CSTF3: variants seen among roughly 807,000 people sequenced by gnomAD.
The protein encoded by CSTF3 is cleavage stimulation factor subunit 3, also known as CF-1 77 kDa subunit.
CSTF3 carries 29 observed loss-of-function variants against 105.8 expected under a neutral mutation model. The observed-to-expected ratio is 0.27, with a 90% CI of 0.20 to 0.37. The LOEUF is 0.37. Ranked by LOEUF, CSTF3 falls within the 10% of genes least tolerant of loss-of-function variation. CSTF3 has a pLI of 1.00. For synonymous variants in CSTF3, 252 were observed against 281.9 expected (o/e 0.89, Z 1.06); for missense variants, 357 against 879.3 (o/e 0.41, Z 7.51).
chr11:33,105,217 G>C (rs546225227), intron 8 of CSTF3, among the ~76,000 whole-genome samples: 1 of 152,262 alleles, frequency 6.6e-6, no homozygotes, highest in Non-Finnish European at 1.5e-5. Flanking sequence ...AGGTGAAAAA[G>C]GTGCACAGCA....
chr11:33,136,314 C>A (rs748871366), intron 3 of CSTF3: 1 of 151,634 alleles, frequency 6.6e-6, no homozygotes, highest in Admixed American at 6.6e-5. Flanking sequence ...AGGAGCAAAC[C>A]GGTTTAATAA....
chr11:33,095,825 AAT>A (rs1565003093), intron 15 of CSTF3, among the ~76,000 whole-genome samples: 86 of 150,842 alleles, frequency 5.7e-4, no homozygotes, highest in African/African-American at 1.2e-3. Flanking sequence ...GTCTCAAATA[AAT>A]AAATAAATAA....
In CSTF3 at chr11:33,099,182, T is replaced by A; in HGVS notation, c.937-32A>T. Reference sequence around the variant, plus strand: ...GAAAAAAAAGAAAGCTCATCTTCAATAATTTTAATATAGTTGTGAGAGAAT... The same window carrying A: ...GAAAAAAAAGAAAGCTCATCTTCAAAAATTTTAATATAGTTGTGAGAGAAT... On this transcript the variant is annotated intron_variant, in intron 11 of 20. Coordinates refer to ENST00000323959, the MANE Select transcript of CSTF3 (RefSeq NM_001326.3). The surrounding 1 kb of genome is among the most constrained non-coding windows in gnomAD (Gnocchi z 4.1). 6.4e-7 allele frequency: 1 copy of A among 1,563,888 alleles called. No individual in the cohort carries two copies. The highest frequency in any genetic ancestry group is 2.3e-5 in the East Asian group (1 of 44,068).
chr11:33,108,376 G>A lies in CSTF3; in HGVS notation c.258+10C>T. 6.7e-7 allele frequency: 1 copy of A among 1,485,552 alleles called. No homozygotes were observed. Among genetic ancestry groups the A allele is most frequent in the Non-Finnish European group, 9.0e-7 (1 of 1,106,346 alleles). The allele number at this position is 1,485,552 out of a possible 1,614,324, so 92.0% of individuals were successfully genotyped here. ...CTTCAATATAAAATTCAAAGTATTT[G>A]AGGACTCACCTTTTCAACCTTGTCA... On this transcript the variant is annotated intron_variant, in intron 4 of 20. Coordinates refer to ENST00000323959, the MANE Select transcript of CSTF3 (RefSeq NM_001326.3).
At chr11:33,132,452 C>T (rs1476054899) in intron 3 of CSTF3, among the ~76,000 whole-genome samples, 2 of 152,074 alleles carry the variant, frequency 1.3e-5, no homozygotes, top group African/African-American at 2.4e-5. Flanking sequence ...GTCTCAAACT[C>T]GTGGGGCTCA....
intron 3 of CSTF3, among the ~76,000 whole-genome samples, chr11:33,124,907 G>A (rs1855528273): frequency 6.6e-6 from 1 of 152,086 alleles, no homozygotes; most frequent in Non-Finnish European, 1.5e-5. Context: ...TTCCTTTGAA[G>A]GTCATTTATC....
At chr11:33,152,392 T>C (rs113905547) in intron 1 of CSTF3, among the ~76,000 whole-genome samples, 7 of 152,288 alleles carry the variant, frequency 4.6e-5, no homozygotes, top group African/African-American at 2.4e-5. Context: ...GCCTCCCAAA[T>C]AGCTGGGACT....
chr11:33,153,466 T>G (rs1565021606), intron 1 of CSTF3, among the ~76,000 whole-genome samples: 1 of 151,990 alleles, frequency 6.6e-6, no homozygotes, highest in East Asian at 1.9e-4. Context: ...ACTATCATGT[T>G]AATGACTGAA....
At chr11:33,106,873 C>G (rs1174348283) in intron 5 of CSTF3, among the ~76,000 whole-genome samples, 5 of 151,988 alleles carry the variant, frequency 3.3e-5, no homozygotes, top group Non-Finnish European at 7.4e-5. Flanking sequence ...ATCTTTAGCT[C>G]TAAAGTAAAA....
intron 3 of CSTF3, chr11:33,141,259 CAG>C (rs1855707501): frequency 5.5e-6 from 1 of 180,772 alleles, no homozygotes; most frequent in Non-Finnish European, 1.1e-5. Context: ...TTCATTTCAC[CAG>C]ACACTCAAAA....
Position 33,102,188 on chromosome 11 carries a change from A to C in CSTF3, c.815T>G (p.Ile272Arg). ...NPLRTEDQTLITKRVMFAYEQ... is the reference protein window; with the variant it reads ...NPLRTEDQTLRTKRVMFAYEQ... Reference sequence around the variant, plus strand: ...GTTAATCATGTTACCTCTTTTTGTTATAAGGGTCTGATCCTCTGTACGAAG... The same window carrying C: ...GTTAATCATGTTACCTCTTTTTGTTCTAAGGGTCTGATCCTCTGTACGAAG... The change falls in exon 10 of 21, where the codon ATA becomes AGA. Residue 272 changes from isoleucine (I) to arginine (R), a missense_variant. This residue lies in a region of CSTF3 where 206 missense variants were observed against 576.5 expected (regional missense o/e 0.36). Coordinates refer to ENST00000323959, the MANE Select transcript of CSTF3 (RefSeq NM_001326.3). 6.2e-7 allele frequency: 1 copy of C among 1,613,298 alleles called. No individual in the cohort carries two copies.
At chr11:33,117,813 A>G (rs1855447440) in intron 3 of CSTF3, among the ~76,000 whole-genome samples, 1 of 152,112 alleles carries the variant, frequency 6.6e-6, no homozygotes, top group South Asian at 2.1e-4. Flanking sequence ...ACACACCCAC[A>G]GGAACTTTAA....
intron 1 of CSTF3, among the ~76,000 whole-genome samples, chr11:33,148,817 G>A (rs1044870163): frequency 4.0e-5 from 6 of 151,542 alleles, no homozygotes; most frequent in African/African-American, 1.2e-4. Context: ...TAAATTCTGA[G>A]GGATTTCCAA....
chr11:33,143,059 G>A (rs1259360279), intron 1 of CSTF3, among the ~76,000 whole-genome samples: 1 of 152,026 alleles, frequency 6.6e-6, no homozygotes, highest in East Asian at 1.9e-4. Flanking sequence ...TTCATCCTGC[G>A]CCACAAAGAA....
intron 8 of CSTF3, among the ~76,000 whole-genome samples, chr11:33,103,662 T>G (rs1466270850): frequency 6.6e-6 from 1 of 151,956 alleles, no homozygotes; most frequent in Non-Finnish European, 1.5e-5. Flanking sequence ...CCCAGCTACT[T>G]GGGAGCTTGA....
At chr11:33,097,193 C>A (rs927957933) in intron 13 of CSTF3, among the ~76,000 whole-genome samples, 1 of 152,158 alleles carries the variant, frequency 6.6e-6, no homozygotes, top group African/African-American at 2.4e-5. Flanking sequence ...TCACCCTTTA[C>A]AATTCAGTGG....
intron 1 of CSTF3, chr11:33,156,908 T>TA: frequency 3.5e-6 from 1 of 285,236 alleles, no homozygotes; most frequent in Non-Finnish European, 7.0e-6. Context: ...CTTTAAGACA[T>TA]AAAGATGAAT....
At chr11:33,147,938 G>A (rs1254531940) in intron 1 of CSTF3, among the ~76,000 whole-genome samples, 1 of 151,888 alleles carries the variant, frequency 6.6e-6, no homozygotes, top group East Asian at 1.9e-4. Flanking sequence ...CCCTCTGAAA[G>A]AGGGAAAGGA....
At chr11:33,097,010 A>G (rs369352025) in intron 13 of CSTF3, 32 bp from the exon 14 acceptor site, 79 of 1,508,290 alleles carry the variant, frequency 5.2e-5, no homozygotes, top group Admixed American at 9.3e-5. Flanking sequence ...TGTTCTATAA[A>G]TTAGACAGTA....
Sources: gnomAD v4.1 joint callset for allele counts (sites outside exome capture counted in the v4.1 genomes callset) on GRCh38, gnomAD v4.1.1 for gene constraint, gnomAD v4.1.1 regional missense constraint, Gnocchi (gnomAD v3.1) non-coding constraint, MANE v1.5 for transcripts, NCBI Gene and HGNC (gene_info 2026-07-23, HGNC 2026-07-21) for gene names.